Variants in NTM observed in about 807,000 individuals in gnomAD.
NTM encodes the protein IgLON family member 2.
NTM carries 13 observed loss-of-function variants against 42.1 expected under a neutral mutation model. The observed-to-expected ratio is 0.31, with a 90% CI of 0.20 to 0.49. NTM has a LOEUF of 0.49. NTM is among the 20% of genes least tolerant of loss of function. NTM has a pLI of 0.99. For missense variants in NTM, 373 were observed against 452.8 expected, an observed-to-expected ratio of 0.82 and a Z score of 1.60; for synonymous variants, 187 against 179.2, an observed-to-expected ratio of 1.04 and a Z score of -0.35.
chr11:131,898,585 T>A (rs762688823), intron 1 of NTM, among the ~76,000 whole-genome samples: 9 of 152,172 alleles, frequency 5.9e-5, no homozygotes, highest in Admixed American at 1.3e-4. Flanking sequence ...GCCATGGAGG[T>A]TGGATACCAA....
At chr11:132,277,226 A>G (rs988513711) in intron 4 of NTM, among the ~76,000 whole-genome samples, 17 of 152,142 alleles carry the variant, frequency 1.1e-4, no homozygotes, top group African/African-American at 3.9e-4. Context: ...TGTTTCTTAT[A>G]TAAGGTGGAA....
intron 1 of NTM, among the ~76,000 whole-genome samples, chr11:131,402,892 C>A (rs899896894): frequency 6.6e-6 from 1 of 151,942 alleles, no homozygotes; most frequent in Non-Finnish European, 1.5e-5. Context: ...ATGGTGTTGT[C>A]CAGAAGGAGA....
chr11:132,311,726 G>A (rs752833636), intron 6 of NTM, among the ~76,000 whole-genome samples: 13 of 152,286 alleles, frequency 8.5e-5, no homozygotes, highest in South Asian at 2.1e-4. Flanking sequence ...CATCAGCTGC[G>A]TCCTATTATT....
At chr11:131,638,149 A>G (rs2064652790) in intron 1 of NTM, among the ~76,000 whole-genome samples, 1 of 152,208 alleles carries the variant, frequency 6.6e-6, no homozygotes, top group African/African-American at 2.4e-5. Flanking sequence ...GTAGTTACCA[A>G]TCACAGGAAA....
chr11:132,263,287 C>G (rs559094114), intron 4 of NTM, among the ~76,000 whole-genome samples: 5 of 152,180 alleles, frequency 3.3e-5, no homozygotes, highest in African/African-American at 1.2e-4. Flanking sequence ...AGGAGGCTGC[C>G]CTGGTGATCT....
intron 1 of NTM, among the ~76,000 whole-genome samples, chr11:131,575,834 C>T (rs894094246): frequency 6.6e-6 from 1 of 152,198 alleles, no homozygotes; most frequent in African/African-American, 2.4e-5. Flanking sequence ...TCCCTGGCTC[C>T]TGGAAGCTCC....
At chr11:131,465,204 A>G (rs1400197193) in intron 1 of NTM, among the ~76,000 whole-genome samples, 1 of 152,122 alleles carries the variant, frequency 6.6e-6, no homozygotes, top group African/African-American at 2.4e-5. Flanking sequence ...TTGAATACTA[A>G]CCAGCTGGGT....
At chr11:131,870,827 A>G in intron 1 of NTM, among the ~76,000 whole-genome samples, 1 of 152,178 alleles carries the variant, frequency 6.6e-6, no homozygotes, top group East Asian at 1.9e-4. Flanking sequence ...AAAAAAGCTT[A>G]TCTTCGGTCT....
In NTM at chr11:131,722,433, C is replaced by A. The variant is rs1182753470; in HGVS notation, c.83-189131C>A. ...TTCATATGAACTCGTAACCATAGAA[C>A]CAGTTTGTCAGGGAATTCTTCAAGC... On this transcript the variant is annotated intron_variant, in intron 1 of 8. Coordinates refer to ENST00000683400, the MANE Select transcript of NTM (RefSeq NM_001352005.2). Among the ~76,000 whole-genome samples the A allele has an allele frequency of 2.0e-5, 3 of 152,190 alleles. No individual in the cohort carries two copies. The South Asian group carries it at 6.2e-4, about 32-fold the overall frequency.
chr11:131,426,344 T>A (rs1948135414), intron 1 of NTM, among the ~76,000 whole-genome samples: 1 of 152,012 alleles, frequency 6.6e-6, no homozygotes, highest in African/African-American at 2.4e-5. Flanking sequence ...GCACAGGGGT[T>A]AAGAGCCATG....
chr11:131,675,162 G>T (rs1012262661), intron 1 of NTM, among the ~76,000 whole-genome samples: 2 of 152,146 alleles, frequency 1.3e-5, no homozygotes, highest in Admixed American at 6.6e-5. Context: ...TATCTTTTCT[G>T]TTTAAACCCT....
chr11:132,327,192 T>G (rs953330693), intron 7 of NTM, among the ~76,000 whole-genome samples: 3 of 152,220 alleles, frequency 2.0e-5, no homozygotes, highest in Non-Finnish European at 4.4e-5. Flanking sequence ...CAGTAAACTG[T>G]ACTCAGGCCA....
At position 131,873,611 on chromosome 11, in the gene NTM, C is replaced by CA. The variant is rs1417388170; in HGVS notation, c.83-37953_83-37952insA. 1.3e-3 allele frequency among the ~76,000 whole-genome samples: 56 copies of CA among 43,472 alleles called. 1 individual carries two copies. Among genetic ancestry groups the CA allele is most frequent in the African/African-American group, 6.5e-3 (54 of 8,272 alleles). The allele number at this position is 43,472 out of a possible 152,430, so 28.5% of individuals were successfully genotyped here. A position where few individuals can be genotyped will look rare whatever the true frequency, so the allele number is the denominator to read the frequency against. ...CCGTATATATATACATATATATATA[C>CA]CGTATATATATACATATATATATAC... On this transcript the variant is annotated intron_variant, in intron 1 of 8. Coordinates refer to ENST00000683400, the MANE Select transcript of NTM (RefSeq NM_001352005.2).
intron 1 of NTM, among the ~76,000 whole-genome samples, chr11:131,709,118 G>A (rs1343473699): frequency 4.6e-5 from 7 of 152,170 alleles, no homozygotes; most frequent in Non-Finnish European, 8.8e-5. Context: ...ACAGGAAGGA[G>A]GTCAATGTGG....
chr11:131,894,703 C>T (rs937022892), intron 1 of NTM, among the ~76,000 whole-genome samples: 2 of 152,190 alleles, frequency 1.3e-5, no homozygotes, highest in Non-Finnish European at 2.9e-5. Context: ...AGCAGCAGCC[C>T]GGGCTCCTCC....
intron 1 of NTM, among the ~76,000 whole-genome samples, chr11:131,480,698 G>A (rs561380203): frequency 6.6e-6 from 1 of 152,066 alleles, no homozygotes; most frequent in African/African-American, 2.4e-5. Flanking sequence ...GTCAGAAAGG[G>A]CATCTAGCCA....
At chr11:131,449,586 C>A (rs990705128) in intron 1 of NTM, among the ~76,000 whole-genome samples, 1 of 152,186 alleles carries the variant, frequency 6.6e-6, no homozygotes, top group Non-Finnish European at 1.5e-5. Flanking sequence ...GATTCCAGCA[C>A]CGGCCAGATC....
chr11:132,312,526 CAGAGAA>C (rs2095310300), intron 6 of NTM: 1 of 154,582 alleles, frequency 6.5e-6, no homozygotes, highest in South Asian at 2.0e-4. Flanking sequence ...TGTGCCCGCA[CAGAGAA>C]GGGGAAAGCG....
At chr11:132,161,299 T>C (rs183038439) in intron 3 of NTM, among the ~76,000 whole-genome samples, 1 of 150,922 alleles carries the variant, frequency 6.6e-6, no homozygotes, top group Non-Finnish European at 1.5e-5. Flanking sequence ...TTCCTTTCCA[T>C]AGACAGTTCT....
Sources: allele counts gnomAD v4.1 joint callset (sites outside exome capture counted in the v4.1 genomes callset), GRCh38; gene constraint gnomAD v4.1.1; transcripts MANE v1.5; gene names NCBI Gene and HGNC (gene_info 2026-07-23, HGNC 2026-07-21).